GMDS: variants seen among roughly 807,000 people sequenced by gnomAD.
GMDS encodes the protein GDP-mannose 4,6 dehydratase.
Under a neutral mutation model 49.9 loss-of-function variants are expected in GMDS, and 20 were observed. The ratio of observed to expected loss-of-function variants is 0.40; its 90% CI spans 0.28 to 0.58. The LOEUF is 0.58. Among genes scored for constraint, GMDS ranks in the 20% least tolerant of loss-of-function variants. The pLI is 0.42. For missense variants in GMDS, 362 were observed against 481.4 expected (o/e 0.75, Z 2.32); for synonymous variants, 177 against 178.6 (o/e 0.99, Z 0.07).
At chr6:2,127,604 C>A (rs936286936) in intron 1 of GMDS, among the ~76,000 whole-genome samples, 2 of 152,234 alleles carry the variant, frequency 1.3e-5, no homozygotes, top group African/African-American at 4.8e-5. Flanking sequence ...GCACCGGCTT[C>A]CTCCTCACTT....
At chr6:1,825,995 G>A (rs970193755) in intron 7 of GMDS, among the ~76,000 whole-genome samples, 4 of 152,118 alleles carry the variant, frequency 2.6e-5, no homozygotes, top group African/African-American at 7.2e-5. Context: ...CAGCCTGGGC[G>A]ACAGATTGAG....
rs75201014 is a variant in GMDS at position 2,063,486 on chromosome 6, C to T, written c.345+52285G>A. 5.9e-5 allele frequency among the ~76,000 whole-genome samples: 9 copies of T among 152,252 alleles called. No individual in the cohort carries two copies. The East Asian group carries it at 1.5e-3, about 26-fold the overall frequency. ...TGGCTGTATTCCTCATAATGGGAAA[C>T]TATGTAAAAACAAACCAAACCAAAC... On this transcript the variant is annotated intron_variant, in intron 4 of 10. Transcript: ENST00000380815.
chr6:1,829,439 T>C (rs577934251), intron 7 of GMDS, among the ~76,000 whole-genome samples: 3 of 152,352 alleles, frequency 2.0e-5, no homozygotes, highest in African/African-American at 7.2e-5. Context: ...TTTGTTTTGT[T>C]TGTTTTGTTT....
intron 4 of GMDS, among the ~76,000 whole-genome samples, chr6:2,019,365 T>C (rs1242367855): frequency 2.0e-5 from 3 of 152,026 alleles, no homozygotes; most frequent in Non-Finnish European, 4.4e-5. Flanking sequence ...CAGCCCATAA[T>C]CTCCTCTTGT....
At chr6:1,929,401 G>C (rs376815631) in intron 7 of GMDS, among the ~76,000 whole-genome samples, 52 of 152,162 alleles carry the variant, frequency 3.4e-4, no homozygotes, top group African/African-American at 1.2e-3. Context: ...AGGGAGATCA[G>C]GGCAAAGTAA....
At chr6:1,625,880 G>A (rs1231926273) in intron 9 of GMDS, among the ~76,000 whole-genome samples, 1 of 152,192 alleles carries the variant, frequency 6.6e-6, no homozygotes, top group Non-Finnish European at 1.5e-5. Flanking sequence ...GAAAATAGCC[G>A]ATCTTTAAAG....
At chr6:1,887,906 GT>G (rs1759681867) in intron 7 of GMDS, among the ~76,000 whole-genome samples, 1 of 152,028 alleles carries the variant, frequency 6.6e-6, no homozygotes, top group African/African-American at 2.4e-5. Context: ...CAATGTAGAT[GT>G]TATATAAATA....
rs1456582554 is a variant in GMDS at position 1,693,167 on chromosome 6, C to A, written c.987+33249G>T. ...CCTGTGGATTTTAATCTTTTCCAGT[C>A]TGGCTGGTGGAAACAGGCCACCTTC... On this transcript the variant is annotated intron_variant, in intron 9 of 10. Transcript: ENST00000380815. Among the ~76,000 whole-genome samples, 5 of 152,370 alleles carry A rather than the reference C, an allele frequency of 3.3e-5. No individual in the cohort carries two copies. In the East Asian group the frequency reaches 9.6e-4, roughly 29 times the overall value.
intron 7 of GMDS, among the ~76,000 whole-genome samples, chr6:1,822,580 ATTAC>A (rs1198628576): frequency 6.6e-6 from 1 of 152,250 alleles, no homozygotes; most frequent in Non-Finnish European, 1.5e-5. Flanking sequence ...AAATTAGAAA[ATTAC>A]TTAACAGTTA....
chr6:2,047,378 G>A (rs200438571), intron 4 of GMDS, among the ~76,000 whole-genome samples: 8 of 152,352 alleles, frequency 5.3e-5, no homozygotes, highest in East Asian at 1.9e-4. Flanking sequence ...GACTACTGGG[G>A]TCACTGAGGA....
intron 7 of GMDS, among the ~76,000 whole-genome samples, chr6:1,776,030 CACA>C (rs1768819206): frequency 1.3e-5 from 2 of 152,162 alleles, no homozygotes; most frequent in African/African-American, 4.8e-5. Flanking sequence ...GCTGTACTAG[CACA>C]ACCTCTGCAC....
intron 8 of GMDS, among the ~76,000 whole-genome samples, chr6:1,737,990 A>C (rs1198069679): frequency 1.1e-4 from 15 of 135,408 alleles, no homozygotes; most frequent in African/African-American, 3.4e-4. Context: ...ACACACCACA[A>C]ACACACCACA....
chr6:1,839,838 T>C (rs2113743987), intron 7 of GMDS, among the ~76,000 whole-genome samples: 1 of 152,274 alleles, frequency 6.6e-6, no homozygotes. Flanking sequence ...CGAGGGGACG[T>C]GGGTTGCTCT....
chr6:1,981,914 G>T (rs2127347695), intron 4 of GMDS, among the ~76,000 whole-genome samples: 1 of 152,234 alleles, frequency 6.6e-6, no homozygotes, highest in East Asian at 1.9e-4. Context: ...CAGAACTAAA[G>T]ACACAAAACA....
At chr6:1,983,840 T>A (rs1293118222) in intron 4 of GMDS, among the ~76,000 whole-genome samples, 1 of 152,164 alleles carries the variant, frequency 6.6e-6, no homozygotes, top group Non-Finnish European at 1.5e-5. Context: ...GAGGCAGAAA[T>A]ACCATTTTAT....
intron 7 of GMDS, among the ~76,000 whole-genome samples, chr6:1,776,584 C>T (rs1768843863): frequency 6.6e-6 from 1 of 151,862 alleles, no homozygotes; most frequent in South Asian, 2.1e-4. Context: ...CCCAGCTACT[C>T]AGGAGGATCA....
chr6:2,115,556 G>A (rs1774799181), intron 4 of GMDS, among the ~76,000 whole-genome samples: 1 of 152,190 alleles, frequency 6.6e-6, no homozygotes, highest in South Asian at 2.1e-4. Flanking sequence ...TCCAATATTA[G>A]TGGTAAGGTT....
chr6:2,081,462 T>C (rs772425278), intron 4 of GMDS, among the ~76,000 whole-genome samples: 1 of 152,158 alleles, frequency 6.6e-6, no homozygotes, highest in African/African-American at 2.4e-5. Flanking sequence ...CTTCTGCTTG[T>C]CTGTCCACAT....
At chr6:1,745,925 C>T (rs1162179878) in intron 7 of GMDS, among the ~76,000 whole-genome samples, 7 of 152,240 alleles carry the variant, frequency 4.6e-5, no homozygotes, top group South Asian at 4.2e-4. Flanking sequence ...ACCACAAAGC[C>T]GAGGCTGAGT....
Sources: gnomAD v4.1 joint callset for allele counts (sites outside exome capture counted in the v4.1 genomes callset) on GRCh38, gnomAD v4.1.1 for gene constraint, MANE v1.5 for transcripts, NCBI Gene and HGNC (gene_info 2026-07-23, HGNC 2026-07-21) for gene names.